MYO1H: variants seen among roughly 807,000 people sequenced by gnomAD.
MYO1H encodes unconventional myosin-Ih.
In MYO1H, 118 loss-of-function variants were observed where a neutral mutation model predicts 149.3. The observed-to-expected ratio is 0.79, with a 90% CI of 0.68 to 0.92. The LOEUF (loss-of-function observed/expected upper bound fraction) is 0.92. Ranked by LOEUF, MYO1H falls within the 40% of genes least tolerant of loss-of-function variation. The probability of loss-of-function intolerance (pLI) is 0.00; values close to 1 mark genes in which losing one functional copy is unlikely to be tolerated. For missense variants in MYO1H, 1,212 were observed against 1,280.7 expected (o/e 0.95, Z 0.82); for synonymous variants, 447 against 465.2 (o/e 0.96, Z 0.50).
At position 109,430,577 on chromosome 12, in the gene MYO1H, G is replaced by A. The variant is rs1871568405; in HGVS notation, c.1950-2320G>A. ...ACCTTTGTGTAGGTGGCTGAACAGA[G>A]GAAGAACATGGGACACTCGATACCC... On this transcript the variant is annotated intron_variant, in intron 19 of 31. Coordinates refer to ENST00000310903, the Ensembl canonical transcript of MYO1H. Among the ~76,000 whole-genome samples, 5 of 152,182 alleles carry A rather than the reference G, an allele frequency of 3.3e-5. No homozygotes were observed. The South Asian group carries it at 1.0e-3, about 32-fold the overall frequency.
At chr12:109,388,987 G>A (rs151265520) in intron 2 of MYO1H, 143 bp downstream of exon 2, 7 of 1,106,606 alleles carry the variant, frequency 6.3e-6, no homozygotes, top group South Asian at 4.1e-5. Flanking sequence ...GATGCACTTC[G>A]ATCCTTTGTG....
At position 109,442,236 on chromosome 12, in the gene MYO1H, G is replaced by GA. The variant is rs1566044254; in HGVS notation, c.2655dup (p.Val886SerfsTer6). ...CTCTAGATGAAGGAGACATTAATCCGAAAGTGCTTCAGCTAATTAGCCATG... is the reference window on the plus strand; with the variant it reads ...CTCTAGATGAAGGAGACATTAATCCGAAAAGTGCTTCAGCTAATTAGCCATG... On this transcript the variant is annotated frameshift_variant, in exon 27 of 32. Coordinates refer to ENST00000310903, the Ensembl canonical transcript of MYO1H. LOFTEE classifies it high-confidence loss of function. The GA allele has an allele frequency of 1.2e-6, 2 of 1,613,774 alleles. No individual in the cohort carries two copies. The highest frequency in any genetic ancestry group is 2.7e-5 in the African/African-American group (2 of 74,908).
chr12:109,370,478 A>T (rs1331152597), intron 1 of MYO1H, among the ~76,000 whole-genome samples: 1 of 152,192 alleles, frequency 6.6e-6, no homozygotes, highest in Non-Finnish European at 1.5e-5. Context: ...TTCCCTGTTT[A>T]TACTTTCACA....
Position 109,443,038 on chromosome 12 carries a change from G to GTATATA in MYO1H, c.2689-475_2689-474insATATAT, listed in dbSNP as rs1472594974. The stretch of plus-strand genomic sequence containing the variant: ...TATATATATATATATATGTGTGTGT[G>GTATATA]TGTGTGTGTATATATGTGTACGTAT... On this transcript the variant is annotated intron_variant, in intron 27 of 31. Transcript: ENST00000310903. Among the ~76,000 whole-genome samples, 3 of 77,458 alleles carry GTATATA rather than the reference G, an allele frequency of 3.9e-5. 1 individual carries two copies. Among genetic ancestry groups the GTATATA allele is most frequent in the African/African-American group, 2.2e-4 (3 of 13,896 alleles). The allele number at this position is 77,458 out of a possible 152,430, so 50.8% of individuals were successfully genotyped here. A position where few individuals can be genotyped will look rare whatever the true frequency, so the allele number is the denominator to read the frequency against.
chr12:109,368,903 T>C (rs990101008), intron 1 of MYO1H, among the ~76,000 whole-genome samples: 4 of 152,122 alleles, frequency 2.6e-5, no homozygotes, highest in Admixed American at 6.6e-5. Flanking sequence ...TGTGAGAACA[T>C]GCCATAATTG....
At chr12:109,338,584 A>G in the MYO1H span, among the ~76,000 whole-genome samples, 1 of 152,058 alleles carries the variant, frequency 6.6e-6, no homozygotes, top group Admixed American at 6.5e-5. Context: ...CCTGGCCAAC[A>G]TGGTGAAACC....
intron 15 of MYO1H, among the ~76,000 whole-genome samples, chr12:109,419,682 G>A (rs1871087018): frequency 6.6e-6 from 1 of 151,802 alleles, no homozygotes; most frequent in East Asian, 1.9e-4. Context: ...CAAGTAGCTG[G>A]GACTACAGGC....
chr12:109,429,545 G>A (rs985950730), intron 19 of MYO1H, among the ~76,000 whole-genome samples: 3 of 152,196 alleles, frequency 2.0e-5, no homozygotes, highest in African/African-American at 7.2e-5. Context: ...GATTTAAAGT[G>A]TACAGGAAGA....
At chr12:109,318,966 G>GTTTTTT in the MYO1H span, among the ~76,000 whole-genome samples, 5 of 61,256 alleles carry the variant, frequency 8.2e-5, no homozygotes, top group East Asian at 5.7e-4. Flanking sequence ...CTGCGTTTTT[G>GTTTTTT]GTTTTGTTTT....
chr12:109,333,354 G>C, the MYO1H span, among the ~76,000 whole-genome samples: 4 of 152,040 alleles, frequency 2.6e-5, no homozygotes, highest in African/African-American at 9.7e-5. Flanking sequence ...CTAGAGGCCT[G>C]AGGGAGCTTA....
chr12:109,353,372 T>A (rs10774658), intron 1 of MYO1H, among the ~76,000 whole-genome samples: 1 of 127,580 alleles, frequency 7.8e-6, no homozygotes, highest in Non-Finnish European at 1.6e-5. Flanking sequence ...CCAGCCTGGG[T>A]GACAGAGCGA....
chr12:109,414,194 G>A (rs1024705126), intron 14 of MYO1H, among the ~76,000 whole-genome samples: 4 of 152,214 alleles, frequency 2.6e-5, no homozygotes, highest in Admixed American at 1.3e-4. Context: ...TCAAGAATCT[G>A]GCCAGACACA....
chr12:109,353,343 G>A (rs991922363), intron 1 of MYO1H, among the ~76,000 whole-genome samples: 10 of 130,268 alleles, frequency 7.7e-5, no homozygotes, highest in African/African-American at 1.1e-4. Flanking sequence ...GCAGTGAGCC[G>A]ATATTGCGCC....
intron 18 of MYO1H, 91 bp from the exon 19 acceptor site, chr12:109,427,378 A>C: frequency 1.3e-6 from 1 of 787,544 alleles, no homozygotes; most frequent in Non-Finnish European, 2.2e-6. Flanking sequence ...GACCCAGCCC[A>C]CTGAACTTCA....
At chr12:109,354,109 T>C (rs780542620) in intron 1 of MYO1H, 1 of 152,246 alleles carries the variant, frequency 6.6e-6, no homozygotes, top group Non-Finnish European at 1.5e-5. Context: ...TAGCTGTTTA[T>C]TTAATAAGTA....
intron 1 of MYO1H, among the ~76,000 whole-genome samples, chr12:109,355,893 T>C (rs1306617344): frequency 6.6e-6 from 1 of 151,480 alleles, no homozygotes; most frequent in Non-Finnish European, 1.5e-5. Flanking sequence ...TTTTCTGGTA[T>C]TTTTAGTAGA....
At chr12:109,350,936 T>C (rs959625748) in intron 1 of MYO1H, among the ~76,000 whole-genome samples, 1 of 152,206 alleles carries the variant, frequency 6.6e-6, no homozygotes, top group Non-Finnish European at 1.5e-5. Flanking sequence ...GCTGGTACAA[T>C]GTGCATATAC....
intron 11 of MYO1H, 73 bp from the exon 12 acceptor site, chr12:109,409,890 A>G (rs1870589958): frequency 3.3e-6 from 3 of 904,114 alleles, no homozygotes; most frequent in African/African-American, 1.7e-5. Context: ...GTATGCCTAA[A>G]AAGAATATAA....
Position 109,409,225 on chromosome 12 carries a change from TTTCTTC to T in MYO1H, c.1156-314_1156-309del, listed in dbSNP as rs1213445821. ...TCTCCTTCTTCTTCTCCTTCTTCTT[TTTCTTC>T]TTCTTCTTCTTCTTCTTTTTTTTTT... is the stretch of plus-strand genomic sequence containing the variant. On this transcript the variant is annotated intron_variant, in intron 10 of 31. Coordinates refer to ENST00000310903, the Ensembl canonical transcript of MYO1H. Among the ~76,000 whole-genome samples, 558 of 104,994 alleles carry T rather than the reference TTTCTTC, an allele frequency of 5.3e-3. 5 individuals carry two copies. The highest frequency in any genetic ancestry group is 6.5e-3 in the African/African-American group (161 of 24,852). The allele number at this position is 104,994 out of a possible 152,430, so 68.9% of individuals were successfully genotyped here. A position where few individuals can be genotyped will look rare whatever the true frequency, so the allele number is the denominator to read the frequency against.
Sources: allele counts gnomAD v4.1 joint callset (sites outside exome capture counted in the v4.1 genomes callset), GRCh38; gene constraint gnomAD v4.1.1; transcripts MANE v1.5; gene names NCBI Gene and HGNC (gene_info 2026-07-23, HGNC 2026-07-21).